The following RHBDD1 variants were observed in gnomAD, a reference collection of about 807,000 sequenced individuals.
The protein encoded by RHBDD1 is rhomboid-related protein 4.
RHBDD1 carries 38 observed loss-of-function variants against 36.3 expected under a neutral mutation model. The ratio of observed to expected loss-of-function variants is 1.05; its 90% CI spans 0.81 to 1.37. The LOEUF is 1.37. Ranked by LOEUF, RHBDD1 falls within the 40% of genes most tolerant of loss-of-function variation. The pLI is 0.00. For missense variants in RHBDD1, 393 were observed against 377.6 expected (o/e 1.04, Z -0.34); for synonymous variants, 151 against 136.5 (o/e 1.11, Z -0.74).
chr2:226,872,115 G>A (rs1944841320), intron 5 of RHBDD1, among the ~76,000 whole-genome samples: 1 of 152,186 alleles, frequency 6.6e-6, no homozygotes, highest in African/African-American at 2.4e-5. Context: ...CCCAAGGCAA[G>A]GAATTGAGGA....
chr2:226,956,127 T>C (rs922691332), intron 8 of RHBDD1, among the ~76,000 whole-genome samples: 2 of 152,176 alleles, frequency 1.3e-5, no homozygotes, highest in African/African-American at 4.8e-5. Context: ...AATTGTGTGC[T>C]ATCAAAGTAC....
At chr2:226,949,444 A>G (rs1460650854) in intron 8 of RHBDD1, among the ~76,000 whole-genome samples, 2 of 152,136 alleles carry the variant, frequency 1.3e-5, no homozygotes, top group Admixed American at 6.5e-5. Flanking sequence ...GTGTGTGTAC[A>G]TGGATGTGGA....
chr2:226,855,188 AAGG>A (rs1943202314), intron 3 of RHBDD1, among the ~76,000 whole-genome samples: 1 of 152,196 alleles, frequency 6.6e-6, no homozygotes, highest in Admixed American at 6.5e-5. Flanking sequence ...GGAAAAAAGG[AAGG>A]AGGAGCTTTT....
At chr2:226,813,425 T>A in the RHBDD1 span, among the ~76,000 whole-genome samples, 1 of 152,160 alleles carries the variant, frequency 6.6e-6, no homozygotes, top group Non-Finnish European at 1.5e-5. Context: ...GGGGATGGCA[T>A]TATAAGAGAG....
intron 8 of RHBDD1, among the ~76,000 whole-genome samples, chr2:226,962,522 C>T (rs1314909360): frequency 6.6e-6 from 1 of 152,222 alleles, no homozygotes; most frequent in African/African-American, 2.4e-5. Context: ...AGTCTTTAAT[C>T]ATATCTGTAT....
intron 8 of RHBDD1, among the ~76,000 whole-genome samples, chr2:226,952,913 G>T (rs1951531369): frequency 6.6e-6 from 1 of 151,854 alleles, no homozygotes; most frequent in Middle Eastern, 3.2e-3. Flanking sequence ...AGATGGTTGG[G>T]AATGTTTAGG....
chr2:226,854,125 C>G (rs564960324), intron 3 of RHBDD1, among the ~76,000 whole-genome samples: 2 of 152,262 alleles, frequency 1.3e-5, no homozygotes, highest in East Asian at 1.9e-4. Flanking sequence ...TGAAGTTGAT[C>G]AGATGATGTT....
chr2:226,864,360 A>G (rs1211282591), intron 3 of RHBDD1, among the ~76,000 whole-genome samples: 1 of 152,174 alleles, frequency 6.6e-6, no homozygotes, highest in Non-Finnish European at 1.5e-5. Flanking sequence ...TTTGTCAGAG[A>G]AAAACATACC....
At chr2:226,873,921 T>G (rs192617118) in intron 5 of RHBDD1, among the ~76,000 whole-genome samples, 1 of 152,220 alleles carries the variant, frequency 6.6e-6, no homozygotes, top group Non-Finnish European at 1.5e-5. Context: ...CCAAAGAAGT[T>G]TAATTGACTC....
chr2:226,844,290 G>A (rs1468494263), intron 3 of RHBDD1, among the ~76,000 whole-genome samples: 6 of 63,794 alleles, frequency 9.4e-5, no homozygotes, highest in African/African-American at 2.5e-4. Context: ...CCCGCCCCCC[G>A]GCCCCTTGCC....
the RHBDD1 span, among the ~76,000 whole-genome samples, chr2:226,817,199 G>T: frequency 2.9e-4 from 44 of 152,316 alleles, no homozygotes; most frequent in African/African-American, 1.0e-3. Context: ...AGCAGGCAAG[G>T]TCAGAAGTTA....
chr2:226,908,770 G>A (rs1948272940), intron 6 of RHBDD1, 52 bp from the exon 7 acceptor site: 1 of 1,175,278 alleles, frequency 8.5e-7, no homozygotes, highest in Non-Finnish European at 1.3e-6. Context: ...GGAACAATTA[G>A]CATTTAAAGC....
In RHBDD1 at chr2:226,890,104, G is replaced by A. The variant is rs777909479; in HGVS notation, c.567-16689G>A. On this transcript the variant is annotated intron_variant, in intron 5 of 8. Coordinates refer to ENST00000392062, the MANE Select transcript of RHBDD1 (RefSeq NM_001167608.3). Reference sequence around the variant, plus strand: ...CTAAAGCTCAAGCCAGTCAGAGCACGTCCAAGTCTTCCAGAACTGTGTAAA... The same window carrying A: ...CTAAAGCTCAAGCCAGTCAGAGCACATCCAAGTCTTCCAGAACTGTGTAAA... Among the ~76,000 whole-genome samples, 106 of 152,186 alleles carry A rather than the reference G, an allele frequency of 7.0e-4. 2 individuals are homozygous for A. The highest frequency in any genetic ancestry group is 4.6e-4 in the Admixed American group (7 of 15,272).
At chr2:226,856,938 C>T (rs1246873721) in intron 3 of RHBDD1, among the ~76,000 whole-genome samples, 1 of 152,118 alleles carries the variant, frequency 6.6e-6, no homozygotes, top group Non-Finnish European at 1.5e-5. Flanking sequence ...CATTGAAGTA[C>T]ATTCTCTTTC....
intron 5 of RHBDD1, among the ~76,000 whole-genome samples, chr2:226,881,987 A>G (rs1177582844): frequency 6.6e-6 from 1 of 152,256 alleles, no homozygotes; most frequent in Non-Finnish European, 1.5e-5. Flanking sequence ...TTATATAGTA[A>G]TAGACCTTAA....
At chr2:226,878,384 A>G (rs1272549511) in intron 5 of RHBDD1, among the ~76,000 whole-genome samples, 1 of 152,170 alleles carries the variant, frequency 6.6e-6, no homozygotes. Flanking sequence ...AAAGTTTCCC[A>G]CTCAGCCATT....
the RHBDD1 span, among the ~76,000 whole-genome samples, chr2:226,807,870 C>A: frequency 6.6e-6 from 1 of 152,094 alleles, no homozygotes; most frequent in Non-Finnish European, 1.5e-5. Flanking sequence ...GAGGCCGAGG[C>A]GGGCATGGTG....
chr2:226,818,152 ATTTTTTTTTTT>A, the RHBDD1 span, among the ~76,000 whole-genome samples: 50 of 86,238 alleles, frequency 5.8e-4, no homozygotes, highest in African/African-American at 2.2e-3. Flanking sequence ...TCCAAACAGT[ATTTTTTTTTTT>A]TTTTTTTTTT....
the RHBDD1 span, among the ~76,000 whole-genome samples, chr2:226,828,487 A>G: frequency 3.3e-5 from 5 of 152,180 alleles, no homozygotes; most frequent in Non-Finnish European, 7.4e-5. Flanking sequence ...TTTCTAAAAA[A>G]CTGCATAACT....
Sources: allele counts gnomAD v4.1 joint callset (sites outside exome capture counted in the v4.1 genomes callset), GRCh38; gene constraint gnomAD v4.1.1; transcripts MANE v1.5; gene names NCBI Gene and HGNC (gene_info 2026-07-23, HGNC 2026-07-21).